Variants in TASL observed in about 807,000 individuals in gnomAD.
TASL encodes TLR adaptor interacting with endolysosomal SLC15A4.
In TASL, 6 loss-of-function variants were observed where a neutral mutation model predicts 12.9. The ratio of observed to expected loss-of-function variants is 0.46; its 90% confidence interval spans 0.25 to 0.92. The LOEUF (loss-of-function observed/expected upper bound fraction) is 0.92, where lower values mean the gene tolerates loss of function less well. Among genes scored for constraint, TASL ranks in the 40% least tolerant of loss-of-function variants. TASL has a pLI of 0.17. For synonymous variants in TASL, 85 were observed against 79.3 expected (o/e 1.07, Z -0.38); for missense variants, 165 against 212.8 (o/e 0.78, Z 1.40).
chrX:30,561,212 C>G (rs56119174), intron 2 of TASL, among the ~76,000 whole-genome samples: 2,918 of 111,518 alleles, frequency 0.026, 84 homozygotes, highest in African/African-American at 0.089. Flanking sequence ...CCTTTGTATC[C>G]CAGAATAAAT....
chrX:30,560,496 C>T, intron 2 of TASL, 140 bp from the exon 3 acceptor site: 2 of 466,335 alleles, frequency 4.3e-6, no homozygotes, highest in Non-Finnish European at 7.3e-6. Context: ...TCTGTGCCTA[C>T]TGTGTACCAG....
chrX:30,572,341 G>A (rs1930639766), intron 2 of TASL, among the ~76,000 whole-genome samples: 1 of 111,984 alleles, frequency 8.9e-6, no homozygotes, highest in Non-Finnish European at 1.9e-5. Flanking sequence ...ATTTTTGATT[G>A]ATTTTTTAAA....
intron 2 of TASL, among the ~76,000 whole-genome samples, chrX:30,571,302 G>GAA (rs1179183730): frequency 1.1e-5 from 1 of 94,160 alleles, no homozygotes; most frequent in Non-Finnish European, 2.2e-5. Context: ...AAGAAAGAAA[G>GAA]AAAGAAAGAA....
In TASL at chrX:30,559,809, G is replaced by A. The variant is rs1930389665; in HGVS notation, c.547C>T (p.Arg183Trp). 2.5e-6 allele frequency: 3 copies of A among 1,210,094 alleles called. No homozygotes were observed. Among genetic ancestry groups the A allele is most frequent in the South Asian group, 1.8e-5 (1 of 56,618 alleles). ...PSDFPQKPIQRYSSYWRITSI... is the reference protein window; with the variant it reads ...PSDFPQKPIQWYSSYWRITSI... ...GTTATTCTCCAATAGGATGAGTACC[G>A]CTGGATAGGTTTTTGGGGAAAGTCA... Residue 183 changes from arginine to tryptophan, a missense_variant, in exon 3 of 3, where the codon CGG becomes TGG. Transcript: ENST00000378962.
intron 2 of TASL, among the ~76,000 whole-genome samples, chrX:30,563,528 T>C (rs1383604286): frequency 9.0e-6 from 1 of 111,423 alleles, no homozygotes; most frequent in Non-Finnish European, 1.9e-5. Context: ...GTAAGAAATA[T>C]CGAAAATCTA....
chrX:30,562,585 G>A (rs184450431), intron 2 of TASL, among the ~76,000 whole-genome samples: 42 of 111,141 alleles, frequency 3.8e-4, no homozygotes, highest in African/African-American at 1.3e-3. Flanking sequence ...TACCAGTATG[G>A]CTACATGATG....
chrX:30,562,897 T>TACAC lies in TASL; in HGVS notation c.-1-2545_-1-2542dup, dbSNP rs72184120. ...ATAAATGGTTTTTAAAAAGGTATAA[T>TACAC]ACACACACACACACACACACACACA... On this transcript the variant is annotated intron_variant, in intron 2 of 2. Transcript: ENST00000378962. Among the ~76,000 whole-genome samples, 794 of 85,126 alleles carry TACAC rather than the reference T, an allele frequency of 9.3e-3. 12 individuals are homozygous for TACAC. The highest frequency in any genetic ancestry group is 0.033 in the East Asian group (91 of 2,764). The allele number at this position is 85,126 out of a possible 115,157, so 73.9% of individuals were successfully genotyped here. A position where few individuals can be genotyped will look rare whatever the true frequency, so the allele number is the denominator to read the frequency against.
chrX:30,567,562 A>G (rs1930516964), intron 2 of TASL, among the ~76,000 whole-genome samples: 2 of 111,821 alleles, frequency 1.8e-5, no homozygotes, highest in Admixed American at 9.5e-5. Context: ...CAGTGATACC[A>G]ATAAAAATCA....
chrX:30,570,427 AAATT>A (rs1181706340), intron 2 of TASL, among the ~76,000 whole-genome samples: 1 of 111,565 alleles, frequency 9.0e-6, no homozygotes, highest in Non-Finnish European at 1.9e-5. Context: ...TTTATGTACT[AAATT>A]AATTGATCAT....
intron 2 of TASL, among the ~76,000 whole-genome samples, chrX:30,573,283 T>C (rs974064514): frequency 1.4e-4 from 16 of 112,212 alleles, no homozygotes; most frequent in African/African-American, 4.2e-4. Context: ...GAGCAGTTAG[T>C]ATCACGCAGT....
rs759034671 is a variant in TASL, at chrX:30,559,038, A to G, written c.*412T>C. The G allele has an allele frequency of 8.6e-6, 1 of 116,512 alleles. No homozygotes were observed. Among genetic ancestry groups the G allele is most frequent in the Admixed American group, 9.1e-5 (1 of 11,020 alleles). 9.6% of individuals were successfully genotyped at this position (116,512 alleles called of 1,213,427 possible). On this transcript the variant is annotated 3_prime_UTR_variant, in exon 3 of 3. Coordinates refer to ENST00000378962, the MANE Select transcript of TASL (RefSeq NM_025159.3). Reference sequence around the variant, plus strand: ...TGGCCAGGCCGGTCTCGAATTCCTGACGTCAGGTAATCCACCCACATCAGC... The same window carrying G: ...TGGCCAGGCCGGTCTCGAATTCCTGGCGTCAGGTAATCCACCCACATCAGC...
chrX:30,567,424 A>G (rs1646564247), intron 2 of TASL, among the ~76,000 whole-genome samples: 1 of 112,301 alleles, frequency 8.9e-6, no homozygotes, highest in African/African-American at 3.2e-5. Flanking sequence ...CACTGAAAAT[A>G]GATCTAACTC....
intron 2 of TASL, among the ~76,000 whole-genome samples, chrX:30,575,421 T>C (rs941042428): frequency 1.8e-5 from 2 of 111,678 alleles, no homozygotes; most frequent in Admixed American, 9.5e-5. Flanking sequence ...CTTACTCTTA[T>C]CTTTAAAAAT....
At chrX:30,571,110 G>A (rs1384300064) in intron 2 of TASL, among the ~76,000 whole-genome samples, 1 of 106,764 alleles carries the variant, frequency 9.4e-6, no homozygotes, top group Non-Finnish European at 1.9e-5. Flanking sequence ...AACCCGGGAG[G>A]TGGAGGTTGT....
At chrX:30,561,382 G>A (rs1032722166) in intron 2 of TASL, among the ~76,000 whole-genome samples, 1 of 111,166 alleles carries the variant, frequency 9.0e-6, no homozygotes, top group South Asian at 3.8e-4. Context: ...CTGGTCTAGA[G>A]TGGCTAGAAC....
At position 30,574,530 on chromosome X, in the gene TASL, C is replaced by T. The variant is rs1249453318; in HGVS notation, c.-2+2222G>A. 6.3e-5 allele frequency among the ~76,000 whole-genome samples: 7 copies of T among 111,027 alleles called. 1 individual carries two copies. The highest frequency in any genetic ancestry group is 7.5e-5 in the Non-Finnish European group (4 of 53,024). On this transcript the variant is annotated intron_variant, in intron 2 of 2. Coordinates refer to ENST00000378962, the MANE Select transcript of TASL (RefSeq NM_025159.3). ...TTTTGGAGGTGTGCAAACTAAGACA[C>T]CCAAAGAGGCTGGATTGAGATGGAC... is the stretch of plus-strand genomic sequence containing the variant.
At chrX:30,572,699 G>A (rs1015443634) in intron 2 of TASL, among the ~76,000 whole-genome samples, 1 of 112,132 alleles carries the variant, frequency 8.9e-6, no homozygotes, top group African/African-American at 3.2e-5. Context: ...CTTTATAAGG[G>A]GGAACGTTTA....
chrX:30,570,003 C>T (rs1225881308), intron 2 of TASL, among the ~76,000 whole-genome samples: 1 of 88,755 alleles, frequency 1.1e-5, no homozygotes, highest in Non-Finnish European at 2.2e-5. Flanking sequence ...GGCGACAGAG[C>T]AAGACTCTGT....
intron 2 of TASL, among the ~76,000 whole-genome samples, chrX:30,562,636 A>T (rs1276572979): frequency 1.8e-5 from 2 of 110,900 alleles, no homozygotes; most frequent in Non-Finnish European, 3.8e-5. Flanking sequence ...TCCTCAGCTG[A>T]CCCTAAGGTT....
Sources: allele counts gnomAD v4.1 joint callset (sites outside exome capture counted in the v4.1 genomes callset), GRCh38; gene constraint gnomAD v4.1.1; transcripts MANE v1.5; gene names NCBI Gene and HGNC (gene_info 2026-07-23, HGNC 2026-07-21).